SLC2A12: variants seen among roughly 807,000 people sequenced by gnomAD.
SLC2A12 encodes solute carrier family 2, facilitated glucose transporter member 12.
Under a neutral mutation model 41.8 loss-of-function variants are expected in SLC2A12, and 23 were observed. The observed-to-expected ratio is 0.55, with a 90% CI of 0.40 to 0.78. SLC2A12 has a LOEUF of 0.78. Ranked by LOEUF, SLC2A12 falls within the 30% of genes least tolerant of loss-of-function variation. SLC2A12 has a pLI of 0.00. For synonymous variants in SLC2A12, 295 were observed against 285.9 expected (o/e 1.03, Z -0.32); for missense variants, 654 against 745.6 (o/e 0.88, Z 1.43).
chr6:134,031,347 A>C (rs537797896), intron 1 of SLC2A12, among the ~76,000 whole-genome samples: 138 of 152,236 alleles, frequency 9.1e-4, no homozygotes, highest in African/African-American at 3.2e-3. Flanking sequence ...AGCTGAGATC[A>C]TGCCACTGCA....
At chr6:134,012,022 A>G (rs1776892887) in intron 2 of SLC2A12, among the ~76,000 whole-genome samples, 1 of 152,170 alleles carries the variant, frequency 6.6e-6, no homozygotes, top group Admixed American at 6.5e-5. Context: ...AACCTGGGAG[A>G]CAGAGCTAGG....
chr6:134,029,256 G>A lies in SLC2A12; in HGVS notation c.569C>T (p.Ala190Val), dbSNP rs1273955421. The A allele has an allele frequency of 3.7e-6, 6 of 1,614,190 alleles. No homozygotes were observed. Among genetic ancestry groups the A allele is most frequent in the Non-Finnish European group, 5.1e-6 (6 of 1,180,042 alleles). The change falls in exon 2 of 5, where the codon GCC becomes GTC. Residue 190 changes from alanine (A) to valine (V), a missense_variant. Around this residue, in one of 3 missense-constraint regions of SLC2A12, gnomAD observed 411 missense variants for 412.1 expected, o/e 1.00. Coordinates refer to ENST00000275230, the MANE Select transcript of SLC2A12 (RefSeq NM_145176.3). ...GTACTTCCAGCCATGGAAAACATTGGCAAATGCGTAATTTGAAATATAGGC... is the reference window on the plus strand; with the variant it reads ...GTACTTCCAGCCATGGAAAACATTGACAAATGCGTAATTTGAAATATAGGC... Reference protein sequence around the residue: ...LSAYISNYAFANVFHGWKYMF... With the variant: ...LSAYISNYAFVNVFHGWKYMF...
intron 1 of SLC2A12, among the ~76,000 whole-genome samples, chr6:134,038,353 CTTTTTTTTTTT>C (rs10584884): frequency 6.2e-5 from 6 of 97,534 alleles, no homozygotes; most frequent in Middle Eastern, 6.7e-3. Context: ...TTCTTTCTGC[CTTTTTTTTTTT>C]TTTTTTTTTT....
intron 1 of SLC2A12, among the ~76,000 whole-genome samples, chr6:134,031,225 C>T (rs1251765572): frequency 6.6e-6 from 1 of 152,062 alleles, no homozygotes; most frequent in Non-Finnish European, 1.5e-5. Context: ...AACCCCATCA[C>T]TATTAAAAGT....
intron 3 of SLC2A12, among the ~76,000 whole-genome samples, chr6:134,002,943 C>T (rs2114427568): frequency 6.6e-6 from 1 of 152,266 alleles, no homozygotes; most frequent in East Asian, 1.9e-4. Context: ...TCAGCAGTGG[C>T]CCCCACAGTG....
At chr6:134,019,637 G>A (rs753742435) in intron 2 of SLC2A12, among the ~76,000 whole-genome samples, 7 of 152,136 alleles carry the variant, frequency 4.6e-5, no homozygotes, top group South Asian at 2.1e-4. Context: ...GAAGGGAGGG[G>A]CTCTTAGCCT....
chr6:134,035,920 T>C (rs731712), intron 1 of SLC2A12, among the ~76,000 whole-genome samples: 29,662 of 152,178 alleles, frequency 0.19, 7,606 homozygotes, highest in African/African-American at 0.59. Flanking sequence ...CACGAGACTG[T>C]AGCACCAGCC....
chr6:133,998,159 T>C (rs1044997761), intron 4 of SLC2A12, among the ~76,000 whole-genome samples: 3 of 152,182 alleles, frequency 2.0e-5, no homozygotes, highest in Non-Finnish European at 2.9e-5. Flanking sequence ...TTTAATAATT[T>C]AGACAGATTC....
chr6:134,013,352 TTACTC>T (rs1361361738), intron 2 of SLC2A12, among the ~76,000 whole-genome samples: 1 of 152,062 alleles, frequency 6.6e-6, no homozygotes, highest in Admixed American at 6.6e-5. Flanking sequence ...ATTTTTTTAT[TTACTC>T]TAAGAGCTTC....
intron 1 of SLC2A12, among the ~76,000 whole-genome samples, chr6:134,041,915 C>T (rs1262846482): frequency 6.6e-6 from 1 of 152,076 alleles, no homozygotes; most frequent in Non-Finnish European, 1.5e-5. Context: ...AGGGGATGCT[C>T]AATGTGTGTG....
At chr6:134,038,265 T>C (rs1237322871) in intron 1 of SLC2A12, among the ~76,000 whole-genome samples, 3 of 152,098 alleles carry the variant, frequency 2.0e-5, no homozygotes, top group African/African-American at 7.2e-5. Flanking sequence ...CTGTTTAAAT[T>C]TGCATGTTAG....
At position 134,052,428 on chromosome 6, in the gene SLC2A12, G is replaced by A. The variant is rs1773704491; in HGVS notation, c.53C>T (p.Thr18Ile). 9 of 1,613,380 alleles carry A rather than the reference G, an allele frequency of 5.6e-6. No individual in the cohort carries two copies. The highest frequency in any genetic ancestry group is 7.6e-6 in the Non-Finnish European group (9 of 1,180,042). ...EGPSLLNQKG[T>I]AVETEGSGSR... ...GCCGCTGCCCTCCGTCTCCACGGCT[G>A]TCCCCTTCTGGTTCAGCAGACTGGG... is the stretch of plus-strand genomic sequence containing the variant. Residue 18 changes from threonine to isoleucine, a missense_variant, in exon 1 of 5, where the codon ACA becomes ATA. Transcript: ENST00000275230.
chr6:134,006,878 C>T lies in SLC2A12; in HGVS notation c.1501G>A (p.Ala501Thr), dbSNP rs1008827721. 2.7e-5 allele frequency: 44 copies of T among 1,614,044 alleles called. No individual in the cohort carries two copies. Among genetic ancestry groups the T allele is most frequent in the Non-Finnish European group, 3.5e-5 (41 of 1,180,026 alleles). The change falls in exon 3 of 5, where the codon GCT becomes ACT. Residue 501 changes from alanine (A) to threonine (T), a missense_variant. Coordinates refer to ENST00000275230, the MANE Select transcript of SLC2A12 (RefSeq NM_145176.3). ...CCCCAGTTCATGCTAGAAGTTAAAG[C>T]CATGGCTCGTCCTCTGATCCCACCA... is the stretch of plus-strand genomic sequence containing the variant. ...FPGGIRGRAMALTSSMNWGIN... is the reference protein window; with the variant it reads ...FPGGIRGRAMTLTSSMNWGIN...
At chr6:134,010,899 G>A (rs1249997612) in intron 2 of SLC2A12, among the ~76,000 whole-genome samples, 2 of 152,114 alleles carry the variant, frequency 1.3e-5, no homozygotes, top group African/African-American at 4.8e-5. Flanking sequence ...TCAGGTTCCT[G>A]CCCCAGTTTT....
intron 1 of SLC2A12, among the ~76,000 whole-genome samples, chr6:134,039,920 C>T (rs1275708376): frequency 1.3e-5 from 2 of 152,148 alleles, no homozygotes; most frequent in Admixed American, 6.6e-5. Flanking sequence ...CCCCCTTTGA[C>T]TTCTGCCATG....
intron 1 of SLC2A12, among the ~76,000 whole-genome samples, chr6:134,048,472 G>A (rs1360857830): frequency 6.6e-6 from 1 of 152,042 alleles, no homozygotes; most frequent in East Asian, 1.9e-4. Flanking sequence ...AGGATGCTGA[G>A]GCACAAAAAT....
chr6:134,001,430 G>A (rs7775740), intron 4 of SLC2A12, among the ~76,000 whole-genome samples: 2,796 of 152,126 alleles, frequency 0.018, 86 homozygotes, highest in African/African-American at 0.064. Flanking sequence ...TTCTTTTTCC[G>A]AAAAGAAATG....
chr6:134,011,286 T>C (rs1776878161), intron 2 of SLC2A12, among the ~76,000 whole-genome samples: 1 of 152,166 alleles, frequency 6.6e-6, no homozygotes, highest in South Asian at 2.1e-4. Context: ...GTTTAAATTC[T>C]GGCCTCATAA....
At chr6:134,029,781 T>C in intron 1 of SLC2A12, 60 bp from the exon 2 acceptor site, 2 of 1,519,834 alleles carry the variant, frequency 1.3e-6, no homozygotes, top group Non-Finnish European at 1.8e-6. Flanking sequence ...AAACATTTTG[T>C]ATTTGAGCGG....
Sources: gnomAD v4.1 joint callset for allele counts (sites outside exome capture counted in the v4.1 genomes callset) on GRCh38, gnomAD v4.1.1 for gene constraint, gnomAD v4.1.1 regional missense constraint, MANE v1.5 for transcripts, NCBI Gene and HGNC (gene_info 2026-07-23, HGNC 2026-07-21) for gene names.